The following LIMK1 variants were observed in gnomAD, a reference collection of about 807,000 sequenced individuals.
The protein encoded by LIMK1 is LIM domain kinase 1, also known as LIM motif-containing protein kinase.
A neutral mutation model predicts 77.6 loss-of-function variants in LIMK1; 21 were observed. The observed-to-expected ratio is 0.27, with a 90% confidence interval of 0.19 to 0.39. LIMK1 has a LOEUF of 0.39. Among genes scored for constraint, LIMK1 ranks in the 10% least tolerant of loss-of-function variants. The pLI is 1.00. For missense variants in LIMK1, 696 were observed against 901.6 expected (o/e 0.77, Z 2.92); for synonymous variants, 358 against 370.0 (o/e 0.97, Z 0.37).
chr7:74,085,863 G>A lies in LIMK1; in HGVS notation c.152+19G>A. ...GCTTCAGGTAGGGTGGGGTGCCCAGGGCCTGTGTTGCCCTAAACAAGGCCT... is the reference window on the plus strand; with the variant it reads ...GCTTCAGGTAGGGTGGGGTGCCCAGAGCCTGTGTTGCCCTAAACAAGGCCT... On this transcript the variant is annotated intron_variant, in intron 2 of 15. Transcript: ENST00000336180. 1 of 1,535,186 alleles carries A rather than the reference G, an allele frequency of 6.5e-7. No homozygotes were observed. The highest frequency in any genetic ancestry group is 8.8e-7 in the Non-Finnish European group (1 of 1,136,700).
chr7:74,086,533 A>T (rs1799141000), intron 2 of LIMK1, among the ~76,000 whole-genome samples: 1 of 151,634 alleles, frequency 6.6e-6, no homozygotes, highest in Non-Finnish European at 1.5e-5. Context: ...CTAATTTTTT[A>T]AATTTTGTGT....
chr7:74,121,349 C>T lies in LIMK1; in HGVS notation c.*48C>T, dbSNP rs1554700610. The T allele has an allele frequency of 2.0e-6, 3 of 1,482,310 alleles. No individual in the cohort carries two copies. The highest frequency in any genetic ancestry group is 2.7e-6 in the Non-Finnish European group (3 of 1,108,894). The allele number at this position is 1,482,310 out of a possible 1,614,324, so 91.8% of individuals were successfully genotyped here. On this transcript the variant is annotated 3_prime_UTR_variant, in exon 16 of 16. Transcript: ENST00000336180. ...TGTCCCCACCTCTGGAGAATCCACC[C>T]CCACCAGATTCCTCCGCGGGAGGTG...
At chr7:74,092,620 G>C (rs1554694942) in intron 2 of LIMK1, among the ~76,000 whole-genome samples, 2 of 151,910 alleles carry the variant, frequency 1.3e-5, no homozygotes, top group South Asian at 4.2e-4. Flanking sequence ...CTGCCTCTGC[G>C]AGGTCCCCTC....
chr7:74,121,101 C>G (rs1554700493), intron 15 of LIMK1, 38 bp from the exon 16 acceptor site: 2 of 1,603,022 alleles, frequency 1.2e-6, no homozygotes, highest in Non-Finnish European at 1.7e-6. Flanking sequence ...ATTCCCGGGA[C>G]AGCCAGACCC....
rs532333331 is a variant in LIMK1, at chr7:74,086,720, A to G, written c.152+876A>G. 9.9e-5 allele frequency among the ~76,000 whole-genome samples: 15 copies of G among 151,688 alleles called. No homozygotes were observed. The East Asian group carries it at 2.1e-3, about 22-fold the overall frequency. ...TTAGAGAGGATGGGAGAGACCTCCA[A>G]TTGAGCCAGTGCCTGCAATTCAGCC... On this transcript the variant is annotated intron_variant, in intron 2 of 15. Transcript: ENST00000336180.
intron 7 of LIMK1, 53 bp from the exon 8 acceptor site, chr7:74,106,957 G>A (rs1799586447): frequency 3.7e-5 from 54 of 1,471,596 alleles, no homozygotes; most frequent in Non-Finnish European, 4.9e-5. Context: ...GCAGGGCCTT[G>A]GCCGGGTGCT....
intron 9 of LIMK1, 94 bp downstream of exon 9, chr7:74,108,051 A>G: frequency 1.1e-6 from 1 of 915,414 alleles, no homozygotes; most frequent in South Asian, 1.4e-5. Context: ...TCTGGGAACC[A>G]TTGAAAGAAG....
At chr7:74,096,957 G>A in intron 3 of LIMK1, 123 bp from the exon 4 acceptor site, 1 of 1,030,128 alleles carries the variant, frequency 9.7e-7, no homozygotes, top group Non-Finnish European at 1.4e-6. Context: ...GAGCTCAGCA[G>A]CTGGCCAGCC....
intron 5 of LIMK1, among the ~76,000 whole-genome samples, chr7:74,102,178 G>T (rs757942827): frequency 2.7e-4 from 41 of 151,950 alleles, no homozygotes; most frequent in Non-Finnish European, 5.1e-4. Context: ...ATTTTCTTTG[G>T]TTTTTTTCAA....
chr7:74,105,832 G>A, intron 5 of LIMK1, 43 bp from the exon 6 acceptor site: 1 of 1,482,868 alleles, frequency 6.7e-7, no homozygotes, highest in Non-Finnish European at 9.4e-7. Context: ...TTGGGGCTCT[G>A]AGGGACAGGT....
At chr7:74,112,352 A>G (rs1227154381) in intron 12 of LIMK1, among the ~76,000 whole-genome samples, 1 of 152,128 alleles carries the variant, frequency 6.6e-6, no homozygotes, top group Non-Finnish European at 1.5e-5. Context: ...GCTACACCAG[A>G]CAGCACCAGC....
chr7:74,095,462 A>G (rs1554695441), intron 2 of LIMK1, among the ~76,000 whole-genome samples: 1 of 152,140 alleles, frequency 6.6e-6, no homozygotes, highest in Non-Finnish European at 1.5e-5. Context: ...GCTGGAGTGC[A>G]GTGGTGTAAT....
chr7:74,112,509 A>T (rs1341250667), intron 12 of LIMK1, among the ~76,000 whole-genome samples: 1 of 151,728 alleles, frequency 6.6e-6, no homozygotes, highest in East Asian at 1.9e-4. Flanking sequence ...TCACGAGGTC[A>T]GGAGATCGAG....
chr7:74,103,542 AT>A (rs1799509615), intron 5 of LIMK1, among the ~76,000 whole-genome samples: 1 of 152,048 alleles, frequency 6.6e-6, no homozygotes, highest in Non-Finnish European at 1.5e-5. Context: ...GTTCACTTTG[AT>A]TACTTGTTTT....
At chr7:74,108,195 G>A (rs973370971) in intron 9 of LIMK1, among the ~76,000 whole-genome samples, 3 of 151,578 alleles carry the variant, frequency 2.0e-5, no homozygotes, top group Non-Finnish European at 4.4e-5. Context: ...TAAATTAACC[G>A]AGCTTGGCAA....
intron 8 of LIMK1, 151 bp downstream of exon 8, chr7:74,107,344 T>C (rs782281770): frequency 1.2e-6 from 1 of 821,134 alleles, no homozygotes; most frequent in Non-Finnish European, 1.8e-6. Context: ...CTGGAGCTAA[T>C]TAGGAACAGG....
chr7:74,111,813 T>G, intron 11 of LIMK1, 106 bp downstream of exon 11: 1 of 1,433,964 alleles, frequency 7.0e-7, no homozygotes, highest in Non-Finnish European at 9.8e-7. Context: ...GATGGGAGAG[T>G]GGGAAGAATC....
chr7:74,105,848 C>G, intron 5 of LIMK1, 27 bp from the exon 6 acceptor site: 1 of 1,575,720 alleles, frequency 6.3e-7, no homozygotes, highest in East Asian at 2.2e-5. Flanking sequence ...CAGGTGGGCA[C>G]TGGCCTGACC....
chr7:74,085,927 G>A (rs954588618), intron 2 of LIMK1, 83 bp downstream of exon 2: 29 of 984,728 alleles, frequency 2.9e-5, no homozygotes, highest in Non-Finnish European at 4.0e-5. Context: ...GGGGGAGGCC[G>A]GGATATGCCT....
Sources: gnomAD v4.1 joint callset for allele counts (sites outside exome capture counted in the v4.1 genomes callset) on GRCh38, gnomAD v4.1.1 for gene constraint, MANE v1.5 for transcripts, NCBI Gene and HGNC (gene_info 2026-07-23, HGNC 2026-07-21) for gene names.